GCH1: variants seen among roughly 807,000 people sequenced by gnomAD.
GCH1 encodes GTP cyclohydrolase 1.
Under a neutral mutation model 25.9 loss-of-function variants are expected in GCH1, and 5 were observed. That is an observed-to-expected ratio of 0.19 (90% CI 0.10 to 0.41). The LOEUF (loss-of-function observed/expected upper bound fraction) is 0.41. Ranked by LOEUF, GCH1 falls within the 10% of genes least tolerant of loss-of-function variation. The pLI is 1.00. For missense variants in GCH1, 261 were observed against 336.5 expected (o/e 0.78, Z 1.75); for synonymous variants, 159 against 129.6 (o/e 1.23, Z -1.54).
intron 1 of GCH1, among the ~76,000 whole-genome samples, chr14:54,881,526 A>C (rs2040272402): frequency 6.6e-6 from 1 of 152,212 alleles, no homozygotes; most frequent in Admixed American, 6.5e-5. Context: ...CGACACTCAC[A>C]GCTTTTTGTA....
At chr14:54,876,802 T>C (rs910554863) in intron 1 of GCH1, among the ~76,000 whole-genome samples, 3 of 152,020 alleles carry the variant, frequency 2.0e-5, no homozygotes, top group Non-Finnish European at 2.9e-5. Flanking sequence ...AAAGAAACAC[T>C]GGAAGGATAA....
intron 2 of GCH1, among the ~76,000 whole-genome samples, chr14:54,861,432 C>A (rs1207298234): frequency 6.6e-6 from 1 of 151,942 alleles, no homozygotes; most frequent in Non-Finnish European, 1.5e-5. Context: ...TTTAAATGTC[C>A]ATTTCACAAA....
chr14:54,895,591 G>T (rs2040473931), intron 1 of GCH1, among the ~76,000 whole-genome samples: 1 of 152,178 alleles, frequency 6.6e-6, no homozygotes, highest in Non-Finnish European at 1.5e-5. Context: ...ATTTAACTAA[G>T]TGTAGGTTCT....
rs150238593 is a variant in GCH1, at chr14:54,852,949, G to T, written c.510-5819C>A. 7.2e-5 allele frequency among the ~76,000 whole-genome samples: 11 copies of T among 152,084 alleles called. No individual in the cohort carries two copies. The South Asian group carries it at 2.3e-3, about 32-fold the overall frequency. On this transcript the variant is annotated intron_variant, in intron 3 of 5. Coordinates refer to ENST00000491895, the MANE Select transcript of GCH1 (RefSeq NM_000161.3). Reference sequence around the variant, plus strand: ...AGCTGCCTGCAAGGATACCTCTATGGGGATGTTTTATTTATTTTTATTTAT... The same window carrying T: ...AGCTGCCTGCAAGGATACCTCTATGTGGATGTTTTATTTATTTTTATTTAT...
At chr14:54,873,002 C>T (rs941080131) in intron 1 of GCH1, among the ~76,000 whole-genome samples, 5 of 151,824 alleles carry the variant, frequency 3.3e-5, no homozygotes, top group East Asian at 3.9e-4. Flanking sequence ...ACCAAGCAGA[C>T]CTAACAGACA....
intron 1 of GCH1, among the ~76,000 whole-genome samples, chr14:54,874,189 T>C (rs1387787902): frequency 6.6e-6 from 1 of 152,190 alleles, no homozygotes; most frequent in Non-Finnish European, 1.5e-5. Context: ...TGGTTCAACA[T>C]ATGCAAATCA....
intron 1 of GCH1, among the ~76,000 whole-genome samples, chr14:54,887,503 T>C (rs891088169): frequency 6.6e-6 from 1 of 151,972 alleles, no homozygotes; most frequent in Admixed American, 6.6e-5. Flanking sequence ...GTGGCAGGGG[T>C]TGGGGGCGGT....
In GCH1 at chr14:54,842,824, T is replaced by A; in HGVS notation, c.*1193A>T. On this transcript the variant is annotated 3_prime_UTR_variant, in exon 6 of 6. Coordinates refer to ENST00000491895, the MANE Select transcript of GCH1 (RefSeq NM_000161.3). Reference sequence around the variant, plus strand: ...GAGGAAATTTTAAGATAATCATTAATAAGGCAACAGCTTCCAGGATTAAAA... The same window carrying A: ...GAGGAAATTTTAAGATAATCATTAAAAAGGCAACAGCTTCCAGGATTAAAA... 1 of 412,458 alleles carries A rather than the reference T, an allele frequency of 2.4e-6. No individual in the cohort carries two copies. The highest frequency in any genetic ancestry group is 4.3e-6 in the Non-Finnish European group (1 of 231,368). 25.5% of individuals were successfully genotyped at this position (412,458 alleles called of 1,614,324 possible).
rs1003033217 is a variant in GCH1 at position 54,873,418 on chromosome 14, C to T, written c.344-7982G>A. 6.6e-5 allele frequency among the ~76,000 whole-genome samples: 10 copies of T among 152,122 alleles called. 1 individual carries two copies. The highest frequency in any genetic ancestry group is 2.2e-4 in the African/African-American group (9 of 41,422). On this transcript the variant is annotated intron_variant, in intron 1 of 5. Coordinates refer to ENST00000491895, the MANE Select transcript of GCH1 (RefSeq NM_000161.3). ...GAAAGATCTAAAATTGACACCCTAA[C>T]ATCACAATTAAAAGAACTAGAGAAG...
chr14:54,842,928 C>T lies in GCH1; in HGVS notation c.*1089G>A. 1.6e-6 allele frequency: 1 copy of T among 638,656 alleles called. No homozygotes were observed. The highest frequency in any genetic ancestry group is 2.9e-6 in the Non-Finnish European group (1 of 349,646). The allele number at this position is 638,656 out of a possible 1,614,324, so 39.6% of individuals were successfully genotyped here. ...AAAGGAAACCGGGACCAGAAGCTTC[C>T]AGTGCATTTTCACAGATCGTTGGTA... On this transcript the variant is annotated 3_prime_UTR_variant, in exon 6 of 6. Coordinates refer to ENST00000491895, the MANE Select transcript of GCH1 (RefSeq NM_000161.3).
At chr14:54,874,245 A>G (rs1465786984) in intron 1 of GCH1, among the ~76,000 whole-genome samples, 1 of 152,268 alleles carries the variant, frequency 6.6e-6, no homozygotes, top group African/African-American at 2.4e-5. Context: ...CAAAAACCAC[A>G]TGATTATCTC....
intron 1 of GCH1, among the ~76,000 whole-genome samples, chr14:54,899,270 G>A (rs914404267): frequency 1.4e-4 from 21 of 152,180 alleles, no homozygotes; most frequent in Non-Finnish European, 2.6e-4. Context: ...AGACCAGCCC[G>A]GGCAACATGG....
At chr14:54,877,329 TACA>T (rs41298430) in intron 1 of GCH1, among the ~76,000 whole-genome samples, 2,387 of 152,308 alleles carry the variant, frequency 0.016, 36 homozygotes, top group South Asian at 0.047. Context: ...AAGGTTTGTC[TACA>T]ACAACACCAC....
At chr14:54,875,566 T>C (rs374853063) in intron 1 of GCH1, among the ~76,000 whole-genome samples, 1 of 152,090 alleles carries the variant, frequency 6.6e-6, no homozygotes, top group Non-Finnish European at 1.5e-5. Context: ...ATTTTTGCAA[T>C]CTACTCATCT....
intron 3 of GCH1, among the ~76,000 whole-genome samples, chr14:54,858,051 C>G (rs2039838411): frequency 6.6e-6 from 1 of 152,030 alleles, no homozygotes; most frequent in African/African-American, 2.4e-5. Flanking sequence ...TTATTGATCC[C>G]CAGAGGAAAT....
intron 3 of GCH1, among the ~76,000 whole-genome samples, chr14:54,855,607 A>T (rs531551737): frequency 1.3e-5 from 2 of 150,858 alleles, no homozygotes; most frequent in Admixed American, 6.7e-5. Flanking sequence ...TGAGGCCAGG[A>T]GTTCGAGGCC....
intron 3 of GCH1, among the ~76,000 whole-genome samples, chr14:54,851,029 AAC>A: frequency 6.6e-6 from 1 of 152,344 alleles, no homozygotes; most frequent in East Asian, 1.9e-4. Context: ...CTGGTACCAA[AAC>A]AGAGATATAG....
At chr14:54,855,223 G>A (rs1228477121) in intron 3 of GCH1, among the ~76,000 whole-genome samples, 3 of 152,012 alleles carry the variant, frequency 2.0e-5, no homozygotes, top group Non-Finnish European at 4.4e-5. Flanking sequence ...AAGCTGGCCA[G>A]GGCCAGGCGC....
At chr14:54,896,112 A>G (rs2140118777) in intron 1 of GCH1, among the ~76,000 whole-genome samples, 1 of 152,360 alleles carries the variant, frequency 6.6e-6, no homozygotes, top group South Asian at 2.1e-4. Flanking sequence ...AAATTTTACA[A>G]CACTTAAGTC....
Sources: allele counts gnomAD v4.1 joint callset (sites outside exome capture counted in the v4.1 genomes callset), GRCh38; gene constraint gnomAD v4.1.1; transcripts MANE v1.5; gene names NCBI Gene and HGNC (gene_info 2026-07-23, HGNC 2026-07-21).